FAM120C: variants seen among roughly 807,000 people sequenced by gnomAD.
The protein encoded by FAM120C is family with sequence similarity 120 member C, also known as constitutive coactivator of PPAR-gamma-like protein 2.
A neutral mutation model predicts 71.2 loss-of-function variants in FAM120C; 14 were observed. That is an observed-to-expected ratio of 0.20 (90% CI 0.13 to 0.31). The LOEUF is 0.31. Among genes scored for constraint, FAM120C ranks in the 10% least tolerant of loss-of-function variants. FAM120C has a pLI of 1.00. For synonymous variants in FAM120C, 354 were observed against 353.2 expected (o/e 1.00, Z -0.03); for missense variants, 500 against 879.0 (o/e 0.57, Z 5.45).
intron 10 of FAM120C, among the ~76,000 whole-genome samples, chrX:54,107,504 C>A (rs2066913171): frequency 1.8e-5 from 2 of 109,044 alleles, no homozygotes; most frequent in Admixed American, 1.0e-4. Context: ...AAGAATAAAT[C>A]TTTATCATTA....
intron 1 of FAM120C, among the ~76,000 whole-genome samples, chrX:54,176,065 G>A (rs530651744): frequency 8.9e-6 from 1 of 112,145 alleles, no homozygotes; most frequent in African/African-American, 3.2e-5. Context: ...GTCCAACCAT[G>A]TTCTAGCAGT....
chrX:54,174,193 A>G (rs1557136365), intron 1 of FAM120C: 2 of 511,871 alleles, frequency 3.9e-6, no homozygotes, highest in Admixed American at 5.3e-5. Context: ...AAAGAGAGAG[A>G]GAGTGCAAAC....
At chrX:54,114,942 A>T (rs1323115111) in intron 10 of FAM120C, among the ~76,000 whole-genome samples, 2 of 106,942 alleles carry the variant, frequency 1.9e-5, no homozygotes, top group African/African-American at 6.9e-5. Context: ...TTTTTTTTGT[A>T]TAGATGGGGT....
intron 3 of FAM120C, among the ~76,000 whole-genome samples, chrX:54,151,959 T>C (rs1465293828): frequency 1.8e-5 from 2 of 111,361 alleles, no homozygotes; most frequent in African/African-American, 6.5e-5. Context: ...CTGTTGGATC[T>C]GGAACACGTT....
intron 10 of FAM120C, among the ~76,000 whole-genome samples, chrX:54,101,109 G>C (rs183699968): frequency 8.1e-5 from 9 of 111,787 alleles, no homozygotes; most frequent in Non-Finnish European, 1.7e-4. Context: ...TAGAGGTTGC[G>C]AAGCCTCCAC....
Sources: gnomAD v4.1 joint callset for allele counts (sites outside exome capture counted in the v4.1 genomes callset) on GRCh38, gnomAD v4.1.1 for gene constraint, MANE v1.5 for transcripts, NCBI Gene and HGNC (gene_info 2026-07-23, HGNC 2026-07-21) for gene names.